The following PLAA variants were observed in gnomAD, a reference collection of about 807,000 sequenced individuals.
The protein encoded by PLAA is phospholipase A2 activating protein.
A neutral mutation model predicts 84.1 loss-of-function variants in PLAA; 48 were observed. The observed-to-expected ratio is 0.57, with a 90% CI of 0.45 to 0.73. The LOEUF is 0.73. Among genes scored for constraint, PLAA ranks in the 30% least tolerant of loss-of-function variants. PLAA has a pLI of 0.00. For synonymous variants in PLAA, 392 were observed against 336.6 expected, an observed-to-expected ratio of 1.16 and a Z score of -1.80; for missense variants, 903 against 954.7, an observed-to-expected ratio of 0.95 and a Z score of 0.71.
intron 1 of PLAA, among the ~76,000 whole-genome samples, chr9:26,943,369 TC>T (rs1825598882): frequency 6.6e-6 from 1 of 152,084 alleles, no homozygotes; most frequent in Non-Finnish European, 1.5e-5. Context: ...GAACTAACTT[TC>T]CCCATTATTC....
intron 1 of PLAA, among the ~76,000 whole-genome samples, chr9:26,939,484 C>CAAA (rs58833364): frequency 2.6e-5 from 2 of 76,912 alleles, no homozygotes; most frequent in East Asian, 3.3e-4. Flanking sequence ...GATGAGAGAC[C>CAAA]AAAAAAAAAA....
At chr9:26,939,509 A>C (rs1449291071) in intron 1 of PLAA, among the ~76,000 whole-genome samples, 1 of 151,124 alleles carries the variant, frequency 6.6e-6, no homozygotes, top group African/African-American at 2.4e-5. Flanking sequence ...AAAAAACCAA[A>C]CAAACTTTAA....
At position 26,919,357 on chromosome 9, in the gene PLAA, C is replaced by G. The variant is rs771430604; in HGVS notation, c.1370G>C (p.Gly457Ala). 3.2e-5 allele frequency: 52 copies of G among 1,612,262 alleles called. No individual in the cohort carries two copies. The highest frequency in any genetic ancestry group is 3.8e-4 in the Middle Eastern group (2 of 5,240). Residue 457 changes from glycine (G) to alanine (A), a missense_variant, in exon 9 of 14, where the codon GGT becomes GCT. Transcript: ENST00000397292. ...VAKFIIDNTK[G>A]QMLGLGNPSF... Reference sequence around the variant, plus strand: ...GGGATTCCCAAGTCCCAACATTTGACCTTTTGTGTTATCAATAATAAATTT... The same window carrying G: ...GGGATTCCCAAGTCCCAACATTTGAGCTTTTGTGTTATCAATAATAAATTT...
rs1375517244 is a variant in PLAA at position 26,904,644 on chromosome 9, G to A, written c.*867C>T. 3.3e-5 allele frequency: 5 copies of A among 152,044 alleles called. No individual in the cohort carries two copies. Among genetic ancestry groups the A allele is most frequent in the Non-Finnish European group, 7.4e-5 (5 of 67,988 alleles). 9.4% of individuals were successfully genotyped at this position (152,044 alleles called of 1,614,324 possible). ...CTATTCTGCCTGGACCACATAGAGG[G>A]CTCAAAAATAGTAATTTCACATGAC... On this transcript the variant is annotated 3_prime_UTR_variant, in exon 14 of 14. Transcript: ENST00000397292.
chr9:26,926,518 G>A lies in PLAA; in HGVS notation c.608C>T (p.Thr203Ile). 3 of 1,613,422 alleles carry A rather than the reference G, an allele frequency of 1.9e-6. No individual in the cohort carries two copies. The highest frequency in any genetic ancestry group is 2.2e-5 in the South Asian group (2 of 91,044). ...CVRGLAILSE[T>I]EFLSCANDAS... ...ATCATTTGCACAGGAAAGAAATTCT[G>A]TTTCACTCAAAATTGCCAAACCTCT... The change falls in exon 5 of 14, where the codon ACA becomes ATA. Residue 203 changes from threonine (T) to isoleucine (I), a missense_variant. Transcript: ENST00000397292.
chr9:26,944,035 T>C (rs904821070), intron 1 of PLAA, among the ~76,000 whole-genome samples: 2 of 152,176 alleles, frequency 1.3e-5, no homozygotes, highest in Non-Finnish European at 2.9e-5. Flanking sequence ...TAACCTTCAA[T>C]GCAACCATGT....
chr9:26,932,213 T>TTTTTG (rs369918885), intron 2 of PLAA, among the ~76,000 whole-genome samples: 365 of 75,966 alleles, frequency 4.8e-3, no homozygotes, highest in African/African-American at 0.025. Flanking sequence ...TCACTGGATG[T>TTTTTG]TTTTGTTTTG....
intron 1 of PLAA, among the ~76,000 whole-genome samples, chr9:26,943,859 G>A (rs1256896002): frequency 6.6e-6 from 1 of 152,016 alleles, no homozygotes; most frequent in Non-Finnish European, 1.5e-5. Context: ...AGGCTGAGGT[G>A]GGAGGATTGT....
chr9:26,917,146 C>G lies in PLAA; in HGVS notation c.1437G>C (p.Pro479=). 6.2e-7 allele frequency: 1 copy of G among 1,613,758 alleles called. No individual in the cohort carries two copies. The highest frequency in any genetic ancestry group is 8.5e-7 in the Non-Finnish European group (1 of 1,179,824). The stretch of plus-strand genomic sequence containing the variant: ...GTGTGTTAGAAGATCCCGAAGAGCC[C>G]GGAACATACCGACCACCACCTGTGC... ...DPFTGGGRYV[P]GSSGSSNTLP... The change falls in exon 10 of 14, where the codon CCG becomes CCC. Residue 479 remains proline (P), a synonymous_variant. Transcript: ENST00000397292.
In PLAA at chr9:26,904,949, T is replaced by C. The variant is rs1490982903; in HGVS notation, c.*562A>G. 1 of 151,978 alleles carries C rather than the reference T, an allele frequency of 6.6e-6. No individual in the cohort carries two copies. Among genetic ancestry groups the C allele is most frequent in the African/African-American group, 2.4e-5 (1 of 41,420 alleles). The allele number at this position is 151,978 out of a possible 1,614,324, so 9.4% of individuals were successfully genotyped here. A position where few individuals can be genotyped will look rare whatever the true frequency, so the allele number is the denominator to read the frequency against. On this transcript the variant is annotated 3_prime_UTR_variant, in exon 14 of 14. Coordinates refer to ENST00000397292, the MANE Select transcript of PLAA (RefSeq NM_001031689.3). ...TTTTTCTTCATCTAAAAATAGGCCA[T>C]TAAACAAATATACTTTAGGATTTAT...
intron 8 of PLAA, among the ~76,000 whole-genome samples, chr9:26,920,018 C>T (rs374733116): frequency 6.6e-6 from 1 of 152,056 alleles, no homozygotes; most frequent in South Asian, 2.1e-4. Context: ...CAGACAATTG[C>T]TAATTTGTCT....
At position 26,926,559 on chromosome 9, in the gene PLAA, C is replaced by A. The variant is rs371109788; in HGVS notation, c.567G>T (p.Gly189=). ...KAGRCERTFS[G]HEDCVRGLAI... ...CCAAACCTCTTACACAGTCTTCATG[C>A]CCTGCATTAAAAAACAATAATGCAA... The change falls in exon 5 of 14, where the codon GGG becomes GGT. Residue 189 remains glycine (G), a splice_region_variant and synonymous_variant. Coordinates refer to ENST00000397292, the MANE Select transcript of PLAA (RefSeq NM_001031689.3). 6 of 1,608,082 alleles carry A rather than the reference C, an allele frequency of 3.7e-6. No individual in the cohort carries two copies. In the African/African-American group the frequency reaches 5.4e-5, roughly 14 times the overall value.
intron 9 of PLAA, among the ~76,000 whole-genome samples, chr9:26,917,892 G>C (rs1026517191): frequency 6.6e-6 from 1 of 152,188 alleles, no homozygotes; most frequent in African/African-American, 2.4e-5. Context: ...GTGCTTCCTA[G>C]ATTTCCAGAC....
At chr9:26,936,857 C>T (rs1434187850) in intron 1 of PLAA, among the ~76,000 whole-genome samples, 1 of 152,042 alleles carries the variant, frequency 6.6e-6, no homozygotes, top group Admixed American at 6.6e-5. Flanking sequence ...AGGCTGATGC[C>T]CGGCCGGGCA....
intron 2 of PLAA, among the ~76,000 whole-genome samples, chr9:26,932,902 A>G (rs1339406991): frequency 1.3e-5 from 2 of 152,152 alleles, no homozygotes; most frequent in Non-Finnish European, 1.5e-5. Context: ...TGGGAGACTG[A>G]GGCGGGTGGA....
At chr9:26,944,881 A>G (rs10967615) in intron 1 of PLAA, among the ~76,000 whole-genome samples, 2,026 of 152,352 alleles carry the variant, frequency 0.013, 48 homozygotes, top group African/African-American at 0.046. Context: ...TGTAATCCCA[A>G]CACTGGGAGG....
At position 26,937,955 on chromosome 9, in the gene PLAA, G is replaced by A. The variant is rs187311848; in HGVS notation, c.150-2749C>T. Among the ~76,000 whole-genome samples the A allele has an allele frequency of 1.9e-3, 287 of 152,044 alleles. 1 individual carries two copies. Among genetic ancestry groups the A allele is most frequent in the African/African-American group, 6.7e-3 (276 of 41,478 alleles). ...ATACAGATTGTGGCAGTCCTAGAGA[G>A]AGGGGAAAGGGAGCAGAGAGAATAT... On this transcript the variant is annotated intron_variant, in intron 1 of 13. Coordinates refer to ENST00000397292, the MANE Select transcript of PLAA (RefSeq NM_001031689.3).
At chr9:26,946,876 A>C (rs888044157) in intron 1 of PLAA, 21 bp downstream of exon 1, 2 of 1,560,054 alleles carry the variant, frequency 1.3e-6, no homozygotes, top group African/African-American at 1.4e-5. Flanking sequence ...CAGCCGGGGC[A>C]ACCCGACTCC....
At chr9:26,916,589 A>T in intron 10 of PLAA, 1 of 987,258 alleles carries the variant, frequency 1.0e-6, no homozygotes. Flanking sequence ...AGACTTCTTG[A>T]TTGTACTGCT....
Sources: allele counts gnomAD v4.1 joint callset (sites outside exome capture counted in the v4.1 genomes callset), GRCh38; gene constraint gnomAD v4.1.1; transcripts MANE v1.5; gene names NCBI Gene and HGNC (gene_info 2026-07-23, HGNC 2026-07-21).